Variants in ANKS1A observed in about 807,000 individuals in gnomAD.
ANKS1A encodes ankyrin repeat and SAM domain-containing protein 1A.
Under a neutral mutation model 120.3 loss-of-function variants are expected in ANKS1A, and 55 were observed. The observed-to-expected ratio is 0.46, with a 90% CI of 0.37 to 0.57. ANKS1A has a LOEUF of 0.57. Among genes scored for constraint, ANKS1A ranks in the 20% least tolerant of loss-of-function variants. ANKS1A has a pLI of 0.00. For synonymous variants in ANKS1A, 590 were observed against 604.7 expected (o/e 0.98, Z 0.36); for missense variants, 1,123 against 1,480.3 (o/e 0.76, Z 3.96).
chr6:35,016,851 C>T (rs543911787), intron 10 of ANKS1A, among the ~76,000 whole-genome samples: 3 of 151,452 alleles, frequency 2.0e-5, no homozygotes, highest in Non-Finnish European at 4.4e-5. Flanking sequence ...GGAATGGCCC[C>T]CTCCGAGGAA....
At chr6:35,053,584 T>C (rs1369241461) in intron 11 of ANKS1A, among the ~76,000 whole-genome samples, 4 of 152,196 alleles carry the variant, frequency 2.6e-5, no homozygotes, top group African/African-American at 9.7e-5. Context: ...GCTCTAGAAA[T>C]CATCCTCACT....
the ANKS1A span, among the ~76,000 whole-genome samples, chr6:35,096,491 A>G: frequency 2.6e-5 from 4 of 152,226 alleles, no homozygotes; most frequent in Non-Finnish European, 5.9e-5. Flanking sequence ...ACCTGGGTTA[A>G]AAGTATTGTG....
At chr6:34,919,975 C>T (rs1450899995) in intron 1 of ANKS1A, among the ~76,000 whole-genome samples, 1 of 152,026 alleles carries the variant, frequency 6.6e-6, no homozygotes, top group Non-Finnish European at 1.5e-5. Context: ...TTGCTTATTT[C>T]TACCCACTTC....
chr6:34,936,786 T>G (rs1056574163), intron 1 of ANKS1A, among the ~76,000 whole-genome samples: 11 of 152,232 alleles, frequency 7.2e-5, no homozygotes, highest in Admixed American at 5.9e-4. Context: ...ATGTGAAATA[T>G]ATTCCCCGTG....
intron 11 of ANKS1A, among the ~76,000 whole-genome samples, chr6:35,052,510 G>GTCT (rs1347349448): frequency 1.4e-5 from 2 of 146,110 alleles, no homozygotes; most frequent in East Asian, 4.0e-4. Flanking sequence ...TGTCGTCGTC[G>GTCT]TCTTAGCTAT....
At position 35,090,366 on chromosome 6, in the gene ANKS1A, A is replaced by G; in HGVS notation, c.*1757A>G. ...CATGCTGGTGCCCGTCTTCCTCCTA[A>G]GGGGCCAGGCCACATCCAAGTGGGC... On this transcript the variant is annotated 3_prime_UTR_variant, in exon 24 of 24. Coordinates refer to ENST00000360359, the MANE Select transcript of ANKS1A (RefSeq NM_015245.3). The G allele has an allele frequency of 7.9e-7, 1 of 1,260,036 alleles. No individual in the cohort carries two copies. Among genetic ancestry groups the G allele is most frequent in the Non-Finnish European group, 1.0e-6 (1 of 972,474 alleles). The allele number at this position is 1,260,036 out of a possible 1,614,324, so 78.1% of individuals were successfully genotyped here.
rs536902232 is a variant in ANKS1A, at chr6:34,889,309, G to T, written c.-94G>T. 3.2e-5 allele frequency: 39 copies of T among 1,220,542 alleles called. No individual in the cohort carries two copies. The highest frequency in any genetic ancestry group is 8.0e-5 in the South Asian group (2 of 25,002). The allele number at this position is 1,220,542 out of a possible 1,614,324, so 75.6% of individuals were successfully genotyped here. A position where few individuals can be genotyped will look rare whatever the true frequency, so the allele number is the denominator to read the frequency against. On this transcript the variant is annotated 5_prime_UTR_variant, in exon 1 of 24. Transcript: ENST00000360359. The surrounding 1 kb of genome is among the most constrained non-coding windows in gnomAD (Gnocchi z 5.5). ...AGGGGGTGGTGTCCCCAGCCGGTTT[G>T]GGGGGTGCGTTGCCCGGAGACGGAA...
At chr6:34,996,185 A>C (rs183963886) in intron 10 of ANKS1A, among the ~76,000 whole-genome samples, 263 of 152,336 alleles carry the variant, frequency 1.7e-3, no homozygotes, top group African/African-American at 5.9e-3. Flanking sequence ...TCATTTTCCT[A>C]ATATCTAATG....
intron 11 of ANKS1A, among the ~76,000 whole-genome samples, chr6:35,039,112 T>G (rs1775328489): frequency 6.6e-6 from 1 of 151,940 alleles, no homozygotes; most frequent in African/African-American, 2.4e-5. Flanking sequence ...TATATGCATT[T>G]TTATCATGTG....
chr6:34,929,935 C>G (rs1362512367), intron 1 of ANKS1A, among the ~76,000 whole-genome samples: 6 of 151,810 alleles, frequency 4.0e-5, no homozygotes, highest in Non-Finnish European at 7.4e-5. Context: ...TACTTTCTAT[C>G]CTACTTATTT....
intron 1 of ANKS1A, among the ~76,000 whole-genome samples, chr6:34,956,704 G>C (rs577205434): frequency 1.3e-4 from 20 of 152,302 alleles, no homozygotes; most frequent in African/African-American, 4.8e-4. Context: ...ATTAGGGGGT[G>C]CTGGGATCTC....
At chr6:34,951,561 C>T (rs1231839925) in intron 1 of ANKS1A, among the ~76,000 whole-genome samples, 1 of 152,058 alleles carries the variant, frequency 6.6e-6, no homozygotes, top group East Asian at 1.9e-4. Context: ...TGCTTTGGGA[C>T]TTTTAGGAAA....
rs375521311 is a variant in ANKS1A at position 35,079,807 on chromosome 6, T to C, written c.2437-14T>C. On this transcript the variant is annotated splice_polypyrimidine_tract_variant and intron_variant, in intron 15 of 23. Coordinates refer to ENST00000360359, the MANE Select transcript of ANKS1A (RefSeq NM_015245.3). ...GCCACCTGACCTGTCACCTCGCTGCTCCTCATCACCCAGGTCCTGAAGGTC... is the reference window on the plus strand; with the variant it reads ...GCCACCTGACCTGTCACCTCGCTGCCCCTCATCACCCAGGTCCTGAAGGTC... The C allele has an allele frequency of 6.1e-5, 96 of 1,585,610 alleles. 4 individuals carry two copies. In the African/African-American group the frequency reaches 1.2e-3, roughly 20 times the overall value.
At chr6:34,947,142 CTTT>C (rs71002514) in intron 1 of ANKS1A, among the ~76,000 whole-genome samples, 1 of 101,980 alleles carries the variant, frequency 9.8e-6, no homozygotes. Context: ...ATAGTAGACT[CTTT>C]TTTTTTTTTT....
chr6:34,983,888 T>C (rs1250893924), intron 7 of ANKS1A, among the ~76,000 whole-genome samples: 1 of 149,608 alleles, frequency 6.7e-6, no homozygotes, highest in Non-Finnish European at 1.5e-5. Context: ...GCCTCCCGGG[T>C]TCAAATGATT....
intron 1 of ANKS1A, among the ~76,000 whole-genome samples, chr6:34,892,930 C>G (rs566775244): frequency 6.6e-6 from 1 of 152,164 alleles, no homozygotes; most frequent in African/African-American, 2.4e-5. Context: ...GTTCTTCTAG[C>G]CTTCCTTATT....
chr6:34,979,553 T>G (rs1481698018), intron 3 of ANKS1A, among the ~76,000 whole-genome samples: 1 of 152,164 alleles, frequency 6.6e-6, no homozygotes, highest in East Asian at 1.9e-4. Flanking sequence ...CTGCTTTCAT[T>G]CTGGCGAAGA....
At chr6:35,076,680 G>A (rs945539799) in intron 13 of ANKS1A, among the ~76,000 whole-genome samples, 4 of 152,150 alleles carry the variant, frequency 2.6e-5, no homozygotes, top group Admixed American at 6.5e-5. Context: ...CCAGGCTAGA[G>A]TGCAGTGGCG....
At chr6:34,903,288 C>A (rs1247791844) in intron 1 of ANKS1A, among the ~76,000 whole-genome samples, 2 of 151,978 alleles carry the variant, frequency 1.3e-5, no homozygotes, top group Non-Finnish European at 2.9e-5. Context: ...CATTCTGCTG[C>A]ACCAATTTGC....
Sources: gnomAD v4.1 joint callset for allele counts (sites outside exome capture counted in the v4.1 genomes callset) on GRCh38, gnomAD v4.1.1 for gene constraint, Gnocchi (gnomAD v3.1) non-coding constraint, MANE v1.5 for transcripts, NCBI Gene and HGNC (gene_info 2026-07-23, HGNC 2026-07-21) for gene names.